PSPC1: variants seen among roughly 807,000 people sequenced by gnomAD.
PSPC1 encodes the protein paraspeckle component 1.
Under a neutral mutation model 51.6 loss-of-function variants are expected in PSPC1, and 14 were observed. That is an observed-to-expected ratio of 0.27 (90% CI 0.18 to 0.42). PSPC1 has a LOEUF of 0.42. Among genes scored for constraint, PSPC1 ranks in the 10% least tolerant of loss-of-function variants. The pLI is 1.00. For synonymous variants in PSPC1, 193 were observed against 231.9 expected, an observed-to-expected ratio of 0.83 and a Z score of 1.53; for missense variants, 406 against 701.1, an observed-to-expected ratio of 0.58 and a Z score of 4.75.
At chr13:19,743,190 T>C (rs538386761) in intron 4 of PSPC1, among the ~76,000 whole-genome samples, 1 of 152,362 alleles carries the variant, frequency 6.6e-6, no homozygotes, top group South Asian at 2.1e-4. Context: ...TATGCATATA[T>C]TTTAAAATAA....
intron 1 of PSPC1, among the ~76,000 whole-genome samples, chr13:19,779,703 C>T (rs1211682743): frequency 1.7e-5 from 2 of 116,428 alleles, no homozygotes; most frequent in Admixed American, 7.9e-5. Flanking sequence ...GCCCCCCGCC[C>T]GGCCAGCCAC....
rs143714218 is a variant in PSPC1 at position 19,770,385 on chromosome 13, T to C, written c.674+1857A>G. 4.6e-3 allele frequency among the ~76,000 whole-genome samples: 701 copies of C among 152,244 alleles called. 5 individuals carry two copies. The highest frequency in any genetic ancestry group is 0.027 in the South Asian group (129 of 4,822). On this transcript the variant is annotated intron_variant, in intron 2 of 8. Transcript: ENST00000338910. ...TTAAAACTCACTGAGCTCAGCCGGG[T>C]GAAGTGGCTCACACCTGTAATCCCA...
At chr13:19,781,578 G>A (rs1241572523) in intron 1 of PSPC1, among the ~76,000 whole-genome samples, 1 of 152,082 alleles carries the variant, frequency 6.6e-6, no homozygotes, top group African/African-American at 2.4e-5. Flanking sequence ...CACTATATTA[G>A]ATACATACAA....
At chr13:19,723,690 C>T (rs1304774024) in intron 6 of PSPC1, among the ~76,000 whole-genome samples, 1 of 152,142 alleles carries the variant, frequency 6.6e-6, no homozygotes, top group Non-Finnish European at 1.5e-5. Context: ...CAAATCAATT[C>T]TAAGAATATG....
intron 6 of PSPC1, among the ~76,000 whole-genome samples, chr13:19,680,306 T>C (rs1397269338): frequency 2.0e-5 from 3 of 152,208 alleles, no homozygotes; most frequent in Non-Finnish European, 2.9e-5. Context: ...TGAGCCACCA[T>C]GCCCGGCCCA....
chr13:19,673,049 T>TGTCTC (rs1331400996), downstream of PSPC1: 4 of 441,760 alleles, frequency 9.1e-6, no homozygotes, highest in Admixed American at 1.0e-4. Flanking sequence ...AATGAGACCT[T>TGTCTC]GTCTCAAAAA....
chr13:19,753,415 T>C lies in PSPC1; in HGVS notation c.771-1948A>G, dbSNP rs7323412. ...CATGACCAGCTAATTTTTGTATTTT[T>C]TGTAGAGATGAGGTACCACTACGTT... is the stretch of plus-strand genomic sequence containing the variant. On this transcript the variant is annotated intron_variant, in intron 3 of 8. Coordinates refer to ENST00000338910, the MANE Select transcript of PSPC1 (RefSeq NM_001354909.2). Among the ~76,000 whole-genome samples the C allele has an allele frequency of 8.9e-3, 1,356 of 152,258 alleles. 15 individuals carry two copies. The highest frequency in any genetic ancestry group is 0.031 in the African/African-American group (1,288 of 41,560).
At chr13:19,691,431 G>C (rs1329839551) in intron 6 of PSPC1, among the ~76,000 whole-genome samples, 1 of 152,062 alleles carries the variant, frequency 6.6e-6, no homozygotes, top group Non-Finnish European at 1.5e-5. Flanking sequence ...ACTGAGGTGG[G>C]ATGATCACTT....
intron 4 of PSPC1, among the ~76,000 whole-genome samples, chr13:19,743,686 C>A (rs1885659506): frequency 6.6e-6 from 1 of 152,004 alleles, no homozygotes. Context: ...GAGACAGGGC[C>A]CAGGTAGTTC....
At chr13:19,764,119 T>A (rs928714612) in intron 2 of PSPC1, among the ~76,000 whole-genome samples, 7 of 152,138 alleles carry the variant, frequency 4.6e-5, no homozygotes, top group African/African-American at 1.7e-4. Context: ...ACAAAAAAAC[T>A]TGAAAAATGT....
At chr13:19,674,284 G>A (rs770512870), downstream of PSPC1, among the ~76,000 whole-genome samples, 10 of 152,180 alleles carry the variant, frequency 6.6e-5, no homozygotes, top group Non-Finnish European at 7.3e-5. Flanking sequence ...TTCTGATAAT[G>A]TTGAATAACT....
downstream of PSPC1, chr13:19,671,383 T>C (rs1420803458): frequency 6.1e-6 from 7 of 1,141,988 alleles, no homozygotes; most frequent in Non-Finnish European, 9.0e-6. Flanking sequence ...AGAATCCTGG[T>C]GTACCTGTCC....
chr13:19,706,340 T>C (rs1880661229), intron 7 of PSPC1, among the ~76,000 whole-genome samples: 2 of 152,214 alleles, frequency 1.3e-5, no homozygotes, highest in Non-Finnish European at 2.9e-5. Flanking sequence ...TAGTTTTTTT[T>C]TTTTCCTCCC....
chr13:19,735,348 T>C (rs536181015), intron 5 of PSPC1, among the ~76,000 whole-genome samples: 4 of 151,380 alleles, frequency 2.6e-5, no homozygotes, highest in African/African-American at 9.7e-5. Flanking sequence ...GGTAGGTGAG[T>C]AAATGGGTGG....
At chr13:19,689,160 ACTGAGGTCTGAAGG>A (rs1878274107) in intron 6 of PSPC1, among the ~76,000 whole-genome samples, 1 of 152,198 alleles carries the variant, frequency 6.6e-6, no homozygotes, top group South Asian at 2.1e-4. Flanking sequence ...CCAGAGAAGC[ACTGAGGTCTGAAGG>A]GTACAGTTCT....
At chr13:19,721,116 A>T (rs923826242) in intron 6 of PSPC1, among the ~76,000 whole-genome samples, 1 of 152,192 alleles carries the variant, frequency 6.6e-6, no homozygotes, top group Non-Finnish European at 1.5e-5. Flanking sequence ...AATATGAAGT[A>T]TAGAAGATCT....
chr13:19,763,324 T>G (rs185002969), intron 2 of PSPC1, among the ~76,000 whole-genome samples: 11 of 152,218 alleles, frequency 7.2e-5, no homozygotes, highest in African/African-American at 2.6e-4. Context: ...TCTGTCCAGG[T>G]TACTCTTTTT....
intron 6 of PSPC1, among the ~76,000 whole-genome samples, chr13:19,693,386 A>C (rs150796001): frequency 6.6e-6 from 1 of 152,194 alleles, no homozygotes; most frequent in Non-Finnish European, 1.5e-5. Context: ...TTAAACTACA[A>C]AAGGACCATA....
intron 7 of PSPC1, among the ~76,000 whole-genome samples, chr13:19,676,269 A>G (rs1264300515): frequency 6.6e-6 from 1 of 152,190 alleles, no homozygotes; most frequent in Non-Finnish European, 1.5e-5. Flanking sequence ...AAATCTCCAT[A>G]GACTAGAAAA....
Sources: allele counts gnomAD v4.1 joint callset (sites outside exome capture counted in the v4.1 genomes callset), GRCh38; gene constraint gnomAD v4.1.1; transcripts MANE v1.5; gene names NCBI Gene and HGNC (gene_info 2026-07-23, HGNC 2026-07-21).